Variants in KCNH2 observed in about 807,000 individuals in gnomAD.
KCNH2 encodes potassium voltage-gated channel subfamily H member 2.
A neutral mutation model predicts 95.9 loss-of-function variants in KCNH2; 35 were observed. The observed-to-expected ratio is 0.37, with a 90% CI of 0.28 to 0.48. The LOEUF (loss-of-function observed/expected upper bound fraction) is 0.48. KCNH2 is among the 20% of genes least tolerant of loss of function. The probability of loss-of-function intolerance (pLI) is 0.99; values close to 1 mark genes in which losing one functional copy is unlikely to be tolerated. For missense variants in KCNH2, 1,274 were observed against 1,702.9 expected (o/e 0.75, Z 4.43); for synonymous variants, 786 against 754.7 (o/e 1.04, Z -0.68).
intron 2 of KCNH2, among the ~76,000 whole-genome samples, chr7:150,970,189 G>A (rs552118151): frequency 1.3e-5 from 2 of 152,220 alleles, no homozygotes; most frequent in East Asian, 3.9e-4. Flanking sequence ...AACATGTGAA[G>A]GGCTTTCTTG....
At chr7:150,958,886 G>A (rs1343635022) in intron 3 of KCNH2, among the ~76,000 whole-genome samples, 2 of 152,248 alleles carry the variant, frequency 1.3e-5, no homozygotes, top group African/African-American at 4.8e-5. Context: ...CAGGGGCCCT[G>A]CCGTCAGGGG....
chr7:150,954,700 G>A (rs944655183), intron 5 of KCNH2, among the ~76,000 whole-genome samples: 2 of 152,174 alleles, frequency 1.3e-5, no homozygotes, highest in Admixed American at 6.5e-5. Context: ...GTGGGGTGGT[G>A]GGGGCAGGGA....
In KCNH2 at chr7:150,945,228, G is replaced by A. The variant is rs1304192391; in HGVS notation, c.*137C>T. On this transcript the variant is annotated 3_prime_UTR_variant, in exon 15 of 15. Transcript: ENST00000262186. The surrounding 1 kb of genome is among the most constrained non-coding windows in gnomAD (Gnocchi z 5.6). ...GGACTGCAGGAGAAGATGGTCCCAAGGGCTGGGGGAGGAGCTGTGCTTTCG... is the reference window on the plus strand; with the variant it reads ...GGACTGCAGGAGAAGATGGTCCCAAAGGCTGGGGGAGGAGCTGTGCTTTCG... 1 of 997,292 alleles carries A rather than the reference G, an allele frequency of 1.0e-6. No homozygotes were observed. The highest frequency in any genetic ancestry group is 1.6e-5 in the African/African-American group (1 of 61,308). The allele number at this position is 997,292 out of a possible 1,614,324, so 61.8% of individuals were successfully genotyped here. A position where few individuals can be genotyped will look rare whatever the true frequency, so the allele number is the denominator to read the frequency against.
intron 2 of KCNH2, among the ~76,000 whole-genome samples, chr7:150,964,112 G>A (rs554441588): frequency 6.6e-6 from 1 of 152,312 alleles, no homozygotes; most frequent in South Asian, 2.1e-4. Context: ...ATTTGGCTGT[G>A]GCAGGGGCAG....
rs1247786599 is a variant in KCNH2 at position 150,958,108 on chromosome 7, C to T, written c.867G>A (p.Glu289=). ...VRRASSADDI[E]AMRAGVLPPP... ...GGGGCAGCACCCCGGCGCGCATGGC[C>T]TCGATGTCGTCGGCCGACGAGGCGC... Residue 289 remains glutamate, a synonymous_variant, in exon 4 of 15, where the codon GAG becomes GAA. Coordinates refer to ENST00000262186, the MANE Select transcript of KCNH2 (RefSeq NM_000238.4). The T allele has an allele frequency of 1.1e-5, 14 of 1,297,396 alleles. No individual in the cohort carries two copies. Among genetic ancestry groups the T allele is most frequent in the African/African-American group, 1.5e-5 (1 of 64,524 alleles). 80.4% of individuals were successfully genotyped at this position (1,297,396 alleles called of 1,614,324 possible). A position where few individuals can be genotyped will look rare whatever the true frequency, so the allele number is the denominator to read the frequency against.
At position 150,947,691 on chromosome 7, in the gene KCNH2, G is replaced by A. The variant is rs2116932430; in HGVS notation, c.2880C>T (p.Ser960=). 6.3e-7 allele frequency: 1 copy of A among 1,597,918 alleles called. No individual in the cohort carries two copies. Among genetic ancestry groups the A allele is most frequent in the African/African-American group, 1.3e-5 (1 of 74,820 alleles). Residue 960 remains serine (S), a synonymous_variant, in exon 12 of 15, where the codon AGC becomes AGT. Coordinates refer to ENST00000262186, the MANE Select transcript of KCNH2 (RefSeq NM_000238.4). The stretch of plus-strand genomic sequence containing the variant: ...CCGGCGGCTCTCCGGGGGGCCTGGG[G>A]CTGGAGAAGGGCACCAGGCGGAGGG... ...SSPLRLVPFS[S]PRPPGEPPGG...
chr7:150,966,076 A>G (rs563647284), intron 2 of KCNH2, among the ~76,000 whole-genome samples: 1 of 152,350 alleles, frequency 6.6e-6, no homozygotes, highest in Admixed American at 6.5e-5. Flanking sequence ...GAAGGCGGCA[A>G]AAGCAGGAAC....
chr7:150,958,023 TG>T, intron 4 of KCNH2, 35 bp downstream of exon 4: 1 of 1,268,420 alleles, frequency 7.9e-7, no homozygotes, highest in Non-Finnish European at 9.9e-7. Flanking sequence ...AGAAGAAGCG[TG>T]GGCTGGGGCG....
chr7:150,973,004 C>G (rs1801878994), intron 2 of KCNH2, among the ~76,000 whole-genome samples: 1 of 152,198 alleles, frequency 6.6e-6, no homozygotes, highest in Non-Finnish European at 1.5e-5. Flanking sequence ...GTTTACAGAG[C>G]ACGGCCCGTT....
chr7:150,949,643 G>A, intron 9 of KCNH2: 1 of 1,116,528 alleles, frequency 9.0e-7, no homozygotes, highest in South Asian at 2.3e-5. Flanking sequence ...TCTGCCCTGA[G>A]GCACACAGGG....
Position 150,974,851 on chromosome 7 carries a change from C to G in KCNH2, c.167G>C (p.Arg56Pro). Residue 56 changes from arginine to proline, a missense_variant, in exon 2 of 15, where the codon CGG becomes CCG. Physicochemically the swap from Arg to Pro is moderately radical, Grantham distance 103. Coordinates refer to ENST00000262186, the MANE Select transcript of KCNH2 (RefSeq NM_000238.4). ...DGFCELCGYSRAEVMQRPCTC... is the reference protein window; with the variant it reads ...DGFCELCGYSPAEVMQRPCTC... ...GCAGGGTCGCTGCATCACCTCGGCC[C>G]GCGAGTAGCCGCACAGCTCGCAGAA... 6.2e-7 allele frequency: 1 copy of G among 1,610,252 alleles called. No homozygotes were observed. Among genetic ancestry groups the G allele is most frequent in the Non-Finnish European group, 8.5e-7 (1 of 1,178,694 alleles).
chr7:150,949,481 A>C, intron 9 of KCNH2: 1 of 767,318 alleles, frequency 1.3e-6, no homozygotes. Context: ...CAGAACAGAA[A>C]TGCTAGAATG....
Position 150,945,700 on chromosome 7 carries a change from C to G in KCNH2, c.3331-186G>C, listed in dbSNP as rs1384777541. 6.6e-6 allele frequency among the ~76,000 whole-genome samples: 1 copy of G among 152,048 alleles called. No individual in the cohort carries two copies. The highest frequency in any genetic ancestry group is 1.5e-5 in the Non-Finnish European group (1 of 68,020). On this transcript the variant is annotated intron_variant, in intron 14 of 14. Transcript: ENST00000262186. The surrounding 1 kb of genome is among the most constrained non-coding windows in gnomAD (Gnocchi z 5.6). ...GCAGCGAGAGCAGGACAGGGGCCAC[C>G]AAGGGGAGGCACCAAGGTGGGAAGT... is the stretch of plus-strand genomic sequence containing the variant.
chr7:150,950,796 G>A (rs767290171), intron 8 of KCNH2, 125 bp downstream of exon 8: 41 of 1,001,334 alleles, frequency 4.1e-5, no homozygotes, highest in African/African-American at 3.3e-4. Flanking sequence ...AAGGGGCAAC[G>A]TGCCTCCAGG....
At chr7:150,968,195 T>C (rs1012644251) in intron 2 of KCNH2, among the ~76,000 whole-genome samples, 11 of 152,240 alleles carry the variant, frequency 7.2e-5, no homozygotes, top group African/African-American at 2.7e-4. Context: ...ATGACAGGCA[T>C]GGCAGTACTT....
In KCNH2 at chr7:150,974,737, A is replaced by G; in HGVS notation, c.281T>C (p.Val94Ala). ...ATCTTTCCGGTAGAAGGCGATTTCC[A>G]CTTTGCGCTCCTCGGCGCCCAGCAG... Reference protein sequence around the residue: ...QALLGAEERKVEIAFYRKDGS... With the variant: ...QALLGAEERKAEIAFYRKDGS... The change falls in exon 2 of 15, where the codon GTG (valine) becomes GCG (alanine). Residue 94 changes from valine to alanine, a missense_variant. By Grantham distance (64) the Val-to-Ala change is moderately conservative (BLOSUM62 0). This residue lies in a region of KCNH2 where 85 missense variants were observed against 174.7 expected (regional missense o/e 0.49). Coordinates refer to ENST00000262186, the MANE Select transcript of KCNH2 (RefSeq NM_000238.4). The G allele has an allele frequency of 6.3e-7, 1 of 1,598,908 alleles. No homozygotes were observed. The highest frequency in any genetic ancestry group is 8.5e-7 in the Non-Finnish European group (1 of 1,175,080).
In KCNH2 at chr7:150,948,477, G is replaced by C. The variant is rs140279503; in HGVS notation, c.2659C>G (p.Arg887Gly). 15 of 1,610,452 alleles carry C rather than the reference G, an allele frequency of 9.3e-6. No individual in the cohort carries two copies. The African/African-American group carries it at 1.9e-4, about 20-fold the overall frequency. The change falls in exon 11 of 15, where the codon CGC becomes GGC. Residue 887 changes from arginine to glycine, a missense_variant. Transcript: ENST00000262186. ...GTGCGCCTGCGGAAGGACAACTTGC[G>C]CTTGCGTTGCCGACTGAAGCCACCC... ...LEGGFSRQRKRKLSFRRRTDK... is the reference protein window; with the variant it reads ...LEGGFSRQRKGKLSFRRRTDK...
Position 150,945,848 on chromosome 7 carries a change from GTC to G in KCNH2, c.3331-336_3331-335del, listed in dbSNP as rs1191158650. Among the ~76,000 whole-genome samples, 1 of 152,232 alleles carries G rather than the reference GTC, an allele frequency of 6.6e-6. No homozygotes were observed. Among genetic ancestry groups the G allele is most frequent in the African/African-American group, 2.4e-5 (1 of 41,454 alleles). ...AGCCCAACCCAACCTGGAACAAGCA[GTC>G]TCTGTGTTGGGACAGAAGCTGGGAC... On this transcript the variant is annotated intron_variant, in intron 14 of 14. Coordinates refer to ENST00000262186, the MANE Select transcript of KCNH2 (RefSeq NM_000238.4). This position sits in a 1 kb window ranked among gnomAD's most constrained non-coding sequence, Gnocchi z 5.6.
Position 150,948,459 on chromosome 7 carries a change from T to C in KCNH2, c.2677A>G (p.Arg893Gly). Reference sequence around the variant, plus strand: ...CCCGCCTCACCCTTGTCCGTGCGCCTGCGGAAGGACAACTTGCGCTTGCGT... The same window carrying C: ...CCCGCCTCACCCTTGTCCGTGCGCCCGCGGAAGGACAACTTGCGCTTGCGT... ...RQRKRKLSFR[R>G]RTDKDTEQPG... Residue 893 changes from arginine (R) to glycine (G), a missense_variant, in exon 11 of 15, where the codon AGG (arginine) becomes GGG (glycine). By Grantham distance (125) the Arg-to-Gly change is moderately radical (BLOSUM62 -2). Coordinates refer to ENST00000262186, the MANE Select transcript of KCNH2 (RefSeq NM_000238.4). 4 of 1,349,290 alleles carry C rather than the reference T, an allele frequency of 3.0e-6. No homozygotes were observed. Among genetic ancestry groups the C allele is most frequent in the Non-Finnish European group, 3.9e-6 (4 of 1,013,874 alleles). 83.6% of individuals were successfully genotyped at this position (1,349,290 alleles called of 1,614,324 possible).
Sources: gnomAD v4.1 joint callset for allele counts (sites outside exome capture counted in the v4.1 genomes callset) on GRCh38, gnomAD v4.1.1 for gene constraint, gnomAD v4.1.1 regional missense constraint, Gnocchi (gnomAD v3.1) non-coding constraint, MANE v1.5 for transcripts, NCBI Gene and HGNC (gene_info 2026-07-23, HGNC 2026-07-21) for gene names.